Variants in PTCSC3 observed in about 807,000 individuals in gnomAD.
PTCSC3 encodes the protein papillary thyroid carcinoma susceptibility candidate 3.
At chr14:36,137,641 A>G (rs1881317997) in intron 3 of PTCSC3, among the ~76,000 whole-genome samples, 1 of 152,198 alleles carries the variant, frequency 6.6e-6, no homozygotes, top group African/African-American at 2.4e-5. Flanking sequence ...GATTGGATAT[A>G]TTCTGTGAGA....
At chr14:36,169,326 A>T (rs560736229) in intron 1 of PTCSC3, among the ~76,000 whole-genome samples, 1 of 152,302 alleles carries the variant, frequency 6.6e-6, no homozygotes, top group East Asian at 1.9e-4. Context: ...ATACACTCTA[A>T]AAAACATTTA....
chr14:36,169,352 A>G (rs1335924479), intron 1 of PTCSC3, among the ~76,000 whole-genome samples: 2 of 152,174 alleles, frequency 1.3e-5, no homozygotes, highest in Non-Finnish European at 2.9e-5. Context: ...ACGCATTACC[A>G]TTATTCGTGG....
At chr14:36,135,899 A>G (rs148870576), downstream of PTCSC3, among the ~76,000 whole-genome samples, 34 of 149,326 alleles carry the variant, frequency 2.3e-4, no homozygotes, top group East Asian at 3.9e-4. Context: ...GTATATATAT[A>G]TGTGTGTGTG....
chr14:36,142,030 T>G (rs1401491024), intron 3 of PTCSC3, among the ~76,000 whole-genome samples: 2 of 152,212 alleles, frequency 1.3e-5, no homozygotes. Context: ...TTTCTGGTCT[T>G]ACTGCATTGG....
chr14:36,161,974 A>C (rs1299335648), intron 2 of PTCSC3, among the ~76,000 whole-genome samples: 1 of 152,036 alleles, frequency 6.6e-6, no homozygotes, highest in Non-Finnish European at 1.5e-5. Context: ...GGGCGTCTCC[A>C]AGTTCGAACT....
At chr14:36,159,372 T>C (rs1881902835) in intron 2 of PTCSC3, among the ~76,000 whole-genome samples, 1 of 152,222 alleles carries the variant, frequency 6.6e-6, no homozygotes, top group South Asian at 2.1e-4. Flanking sequence ...CTGCTTTCTC[T>C]TGTGGGCATT....
At chr14:36,158,776 T>C (rs763333066) in intron 2 of PTCSC3, among the ~76,000 whole-genome samples, 1 of 152,212 alleles carries the variant, frequency 6.6e-6, no homozygotes, top group East Asian at 1.9e-4. Context: ...ATAAAATGAC[T>C]TAGGGAGGAG....
chr14:36,160,693 A>G (rs1265456647), intron 2 of PTCSC3, among the ~76,000 whole-genome samples: 1 of 151,818 alleles, frequency 6.6e-6, no homozygotes, highest in African/African-American at 2.4e-5. Context: ...TCTGACAATT[A>G]TATGTCTTGG....
chr14:36,141,329 C>T (rs937856492), intron 3 of PTCSC3, among the ~76,000 whole-genome samples: 2 of 151,976 alleles, frequency 1.3e-5, no homozygotes, highest in Non-Finnish European at 2.9e-5. Flanking sequence ...TTGGGGATAA[C>T]TGACATCTTG....
chr14:36,167,965 T>C (rs1292454211), intron 1 of PTCSC3, among the ~76,000 whole-genome samples: 2 of 152,096 alleles, frequency 1.3e-5, no homozygotes. Flanking sequence ...AAAAATTTCA[T>C]GCTTTCTCAC....
At chr14:36,141,601 C>T (rs1310922995) in intron 3 of PTCSC3, among the ~76,000 whole-genome samples, 7 of 152,066 alleles carry the variant, frequency 4.6e-5, no homozygotes, top group Non-Finnish European at 7.4e-5. Context: ...GGTCTGCCTG[C>T]CTCAGGCTCC....
chr14:36,142,560 A>T (rs1444889857), intron 3 of PTCSC3, among the ~76,000 whole-genome samples: 1 of 151,888 alleles, frequency 6.6e-6, no homozygotes, highest in African/African-American at 2.4e-5. Flanking sequence ...AATTGTTATC[A>T]TTTCTTTCTT....
In PTCSC3 at chr14:36,168,360, AATATATATATATATATATATATATAT is replaced by A. The variant is rs147400390; in HGVS notation, n.172-5703_172-5678del. The stretch of plus-strand genomic sequence containing the variant: ...TTGGGAGTTTAAACTATTGATTCTG[AATATATATATATATATATATATATAT>A]ATATATATATATTCTACTTTTTGTG... On this transcript the variant is annotated intron_variant and non_coding_transcript_variant, in intron 1 of 3. Transcript: ENST00000556013. 3.3e-3 allele frequency among the ~76,000 whole-genome samples: 381 copies of A among 113,902 alleles called. 5 individuals carry two copies. Among genetic ancestry groups the A allele is most frequent in the African/African-American group, 0.016 (358 of 22,912 alleles). The allele number at this position is 113,902 out of a possible 152,430, so 74.7% of individuals were successfully genotyped here. A position where few individuals can be genotyped will look rare whatever the true frequency, so the allele number is the denominator to read the frequency against.
chr14:36,150,949 C>A (rs1048432596), intron 3 of PTCSC3, among the ~76,000 whole-genome samples: 1 of 144,464 alleles, frequency 6.9e-6, no homozygotes, highest in Non-Finnish European at 1.5e-5. Context: ...TTTAAAAAAA[C>A]CTTCCTTTAT....
At chr14:36,158,256 G>C (rs959250174) in intron 2 of PTCSC3, among the ~76,000 whole-genome samples, 6 of 151,900 alleles carry the variant, frequency 3.9e-5, no homozygotes, top group Non-Finnish European at 8.8e-5. Flanking sequence ...TCTTTTTCTT[G>C]CCTGATTGCC....
At chr14:36,160,378 T>G (rs927647737) in intron 2 of PTCSC3, among the ~76,000 whole-genome samples, 3 of 152,184 alleles carry the variant, frequency 2.0e-5, no homozygotes, top group African/African-American at 7.2e-5. Context: ...TTGTTCCTTA[T>G]CATGTTTTGT....
At chr14:36,145,270 G>C (rs1249145725) in intron 3 of PTCSC3, among the ~76,000 whole-genome samples, 1 of 150,392 alleles carries the variant, frequency 6.6e-6, no homozygotes, top group Non-Finnish European at 1.5e-5. Flanking sequence ...GTAGAATTCG[G>C]CTGTGAATCC....
intron 3 of PTCSC3, among the ~76,000 whole-genome samples, chr14:36,139,303 G>T (rs757708176): frequency 1.3e-5 from 2 of 151,956 alleles, no homozygotes; most frequent in Non-Finnish European, 2.9e-5. Context: ...GAAAGAACAC[G>T]GATAAGCTCC....
chr14:36,165,553 A>AT (rs1330006121), intron 1 of PTCSC3, among the ~76,000 whole-genome samples: 2 of 151,984 alleles, frequency 1.3e-5, no homozygotes, highest in African/African-American at 4.8e-5. Flanking sequence ...AAAAAAAAAA[A>AT]GCAGTTAAAT....
Sources: gnomAD v4.1 joint callset for allele counts (sites outside exome capture counted in the v4.1 genomes callset) on GRCh38, gnomAD v4.1.1 for gene constraint, MANE v1.5 for transcripts, NCBI Gene and HGNC (gene_info 2026-07-23, HGNC 2026-07-21) for gene names.